KDM1A: variants seen among roughly 807,000 people sequenced by gnomAD.
The protein encoded by KDM1A is lysine demethylase 1A, also known as lysine-specific histone demethylase 1A.
In KDM1A, 49 loss-of-function variants were observed where a neutral mutation model predicts 109.4. The observed-to-expected ratio is 0.45, with a 90% CI of 0.36 to 0.57. KDM1A has a LOEUF of 0.57. Among genes scored for constraint, KDM1A ranks in the 20% least tolerant of loss-of-function variants. KDM1A has a pLI of 0.00. For synonymous variants in KDM1A, 380 were observed against 415.4 expected, an observed-to-expected ratio of 0.91 and a Z score of 1.04; for missense variants, 668 against 1,116.6, an observed-to-expected ratio of 0.60 and a Z score of 5.73.
intron 2 of KDM1A, among the ~76,000 whole-genome samples, chr1:23,032,787 C>G (rs1398604168): frequency 6.6e-6 from 1 of 152,180 alleles, no homozygotes; most frequent in Non-Finnish European, 1.5e-5. Context: ...AATATTTGGA[C>G]ACTGTGCAGG....
chr1:23,032,891 T>G (rs905211520), intron 2 of KDM1A, among the ~76,000 whole-genome samples: 3 of 152,172 alleles, frequency 2.0e-5, no homozygotes, highest in African/African-American at 7.2e-5. Context: ...AGAGAAGATA[T>G]AGGTTTGTTT....
chr1:23,029,758 G>A (rs1641920544), intron 1 of KDM1A, among the ~76,000 whole-genome samples: 1 of 152,152 alleles, frequency 6.6e-6, no homozygotes, highest in Non-Finnish European at 1.5e-5. Flanking sequence ...TCCTGCCTCA[G>A]CCTCCCGAGT....
intron 15 of KDM1A, among the ~76,000 whole-genome samples, chr1:23,076,921 C>T (rs970706532): frequency 1.2e-4 from 18 of 150,566 alleles, no homozygotes; most frequent in African/African-American, 4.4e-4. Context: ...GCCGAGAGCA[C>T]GCCACTGCAC....
At position 23,082,926 on chromosome 1, in the gene KDM1A, T is replaced by G. The variant is rs544600087; in HGVS notation, c.2446-253T>G. ...GGGAAGGACGCTTTACAACTGGGTA[T>G]CTAAACTGATGAGAACACATGTTAA... On this transcript the variant is annotated intron_variant, in intron 20 of 20. Transcript: ENST00000400181. 181 of 352,834 alleles carry G rather than the reference T, an allele frequency of 5.1e-4. 1 individual carries two copies. The highest frequency in any genetic ancestry group is 3.1e-3 in the Middle Eastern group (4 of 1,272). The allele number at this position is 352,834 out of a possible 1,614,324, so 21.9% of individuals were successfully genotyped here.
rs1262377765 is a variant in KDM1A, at chr1:23,041,737, AGCCTGG to A, written c.518-2689_518-2684del. ...ATTACAGGCGTGAGCCACTGTGCCC[AGCCTGG>A]AGTTTCATTTCTTTTTTGACATTTT... On this transcript the variant is annotated intron_variant, in intron 2 of 20. Coordinates refer to ENST00000400181, the MANE Select transcript of KDM1A (RefSeq NM_001009999.3). 4.0e-5 allele frequency among the ~76,000 whole-genome samples: 6 copies of A among 151,898 alleles called. No individual in the cohort carries two copies. In the South Asian group the frequency reaches 1.2e-3, roughly 32 times the overall value.
At chr1:23,077,450 G>GAT in intron 16 of KDM1A, 90 bp downstream of exon 16, 1 of 1,371,976 alleles carries the variant, frequency 7.3e-7, no homozygotes, top group Non-Finnish European at 9.8e-7. Flanking sequence ...TACATTTCCT[G>GAT]ATAGAGTGTT....
At chr1:23,083,059 T>C (rs1039141871) in intron 20 of KDM1A, 120 bp from the exon 21 acceptor site, 3 of 820,212 alleles carry the variant, frequency 3.7e-6, no homozygotes, top group East Asian at 2.6e-5. Context: ...GAATGATGAA[T>C]AGTAATTGGG....
intron 1 of KDM1A, among the ~76,000 whole-genome samples, chr1:23,030,044 C>T (rs1641934161): frequency 6.6e-6 from 1 of 152,130 alleles, no homozygotes; most frequent in South Asian, 2.1e-4. Flanking sequence ...AATTTTTTTG[C>T]TATTTTCCCC....
chr1:23,079,803 A>G lies in KDM1A; in HGVS notation c.2170+136A>G. 1 of 534,984 alleles carries G rather than the reference A, an allele frequency of 1.9e-6. No homozygotes were observed. The allele number at this position is 534,984 out of a possible 1,614,324, so 33.1% of individuals were successfully genotyped here. A position where few individuals can be genotyped will look rare whatever the true frequency, so the allele number is the denominator to read the frequency against. ...ACAAACAATTCCTGAAATACCTTCT[A>G]GGTACTGGGGTATAAAAATACCTGC... On this transcript the variant is annotated intron_variant, in intron 18 of 20. Coordinates refer to ENST00000400181, the MANE Select transcript of KDM1A (RefSeq NM_001009999.3). This position sits in a 1 kb window ranked among gnomAD's most constrained non-coding sequence, Gnocchi z 5.6.
At chr1:23,056,353 T>C (rs573629546) in intron 7 of KDM1A, among the ~76,000 whole-genome samples, 1 of 152,266 alleles carries the variant, frequency 6.6e-6, no homozygotes, top group South Asian at 2.1e-4. Context: ...CAGTTATTTT[T>C]GATGGTGGAA....
intron 9 of KDM1A, among the ~76,000 whole-genome samples, chr1:23,063,232 GTGT>G (rs1643066953): frequency 6.1e-4 from 4 of 6,540 alleles, no homozygotes; most frequent in Non-Finnish European, 1.2e-3. Context: ...GTGTGTGTGG[GTGT>G]GTGTGTGTGT....
intron 20 of KDM1A, 162 bp downstream of exon 20, chr1:23,082,528 C>T: frequency 1.5e-6 from 1 of 668,608 alleles, no homozygotes; most frequent in Non-Finnish European, 2.3e-6. Flanking sequence ...TCTGATTTCT[C>T]ATAATTTGGT....
chr1:23,030,259 AG>A (rs1227534311), intron 1 of KDM1A, among the ~76,000 whole-genome samples: 1 of 152,214 alleles, frequency 6.6e-6, no homozygotes, highest in Non-Finnish European at 1.5e-5. Context: ...TAAAACTTAC[AG>A]ATTAGTTTGA....
At chr1:23,052,002 C>T (rs1569730745) in intron 4 of KDM1A, among the ~76,000 whole-genome samples, 1 of 152,274 alleles carries the variant, frequency 6.6e-6, no homozygotes, top group African/African-American at 2.4e-5. Flanking sequence ...CTGTGTATAG[C>T]ATATCAACAT....
At chr1:23,072,997 C>G (rs1217859953) in intron 14 of KDM1A, among the ~76,000 whole-genome samples, 1 of 151,810 alleles carries the variant, frequency 6.6e-6, no homozygotes, top group African/African-American at 2.4e-5. Context: ...TTTTTTACAA[C>G]TAGTAAGCTT....
chr1:23,079,613 G>T lies in KDM1A; in HGVS notation c.2116G>T (p.Gly706Cys). ...AAGTGTCAATTTGTTCGGGCATGTT[G>T]GCAGTACGACTGCCAGCAGGGGTGA... ...DPSVNLFGHVGSTTASRGELF... is the reference protein window; with the variant it reads ...DPSVNLFGHVCSTTASRGELF... Residue 706 changes from glycine to cysteine, a missense_variant, in exon 18 of 21, where the codon GGC (glycine) becomes TGC (cysteine). Coordinates refer to ENST00000400181, the MANE Select transcript of KDM1A (RefSeq NM_001009999.3). The surrounding 1 kb of genome is among the most constrained non-coding windows in gnomAD (Gnocchi z 5.6). The T allele has an allele frequency of 6.2e-7, 1 of 1,613,864 alleles. No homozygotes were observed. The highest frequency in any genetic ancestry group is 1.1e-5 in the South Asian group (1 of 91,022).
At chr1:23,068,390 A>G (rs1273232343) in intron 10 of KDM1A, 149 bp from the exon 11 acceptor site, 1 of 599,996 alleles carries the variant, frequency 1.7e-6, no homozygotes, top group Non-Finnish European at 2.7e-6. Flanking sequence ...TGACCACTTC[A>G]TAGAAAAGAA....
chr1:23,076,327 C>T (rs1643463783), intron 15 of KDM1A, among the ~76,000 whole-genome samples: 1 of 152,102 alleles, frequency 6.6e-6, no homozygotes, highest in African/African-American at 2.4e-5. Context: ...TCTTTAAATT[C>T]CTGGTCAATT....
At chr1:23,026,144 G>A (rs949790639) in intron 1 of KDM1A, among the ~76,000 whole-genome samples, 4 of 152,056 alleles carry the variant, frequency 2.6e-5, no homozygotes, top group Non-Finnish European at 5.9e-5. Context: ...GCCAGAGAGT[G>A]TATATGCTGG....
Sources: allele counts gnomAD v4.1 joint callset (sites outside exome capture counted in the v4.1 genomes callset), GRCh38; gene constraint gnomAD v4.1.1; non-coding constraint Gnocchi (gnomAD v3.1); transcripts MANE v1.5; gene names NCBI Gene and HGNC (gene_info 2026-07-23, HGNC 2026-07-21).